ZNF814: variants seen among roughly 807,000 people sequenced by gnomAD.
ZNF814 encodes the protein zinc finger protein 814.
In ZNF814, 5 loss-of-function variants were observed where a neutral mutation model predicts 7.5. The ratio of observed to expected loss-of-function variants is 0.67; its 90% CI spans 0.35 to 1.40. ZNF814 has a LOEUF of 1.40. Among genes scored for constraint, ZNF814 ranks in the 40% most tolerant of loss-of-function variants. The pLI is 0.04. For synonymous variants in ZNF814, 315 were observed against 340.7 expected (o/e 0.92, Z 0.83); for missense variants, 962 against 1,018.0 (o/e 0.94, Z 0.75).
chr19:57,869,803 G>C lies in ZNF814; in HGVS notation c.*3019C>G, dbSNP rs2071540842. On this transcript the variant is annotated 3_prime_UTR_variant, in exon 3 of 3. Coordinates refer to ENST00000435989, the MANE Select transcript of ZNF814 (RefSeq NM_001144989.2). ...CTACTAAAAATACAAAACTTGGCCGGGCATGGTGGCACATGCTTCCAGTCC... is the reference window on the plus strand; with the variant it reads ...CTACTAAAAATACAAAACTTGGCCGCGCATGGTGGCACATGCTTCCAGTCC... 1 of 152,074 alleles carries C rather than the reference G, an allele frequency of 6.6e-6. No individual in the cohort carries two copies. Among genetic ancestry groups the C allele is most frequent in the African/African-American group, 2.4e-5 (1 of 41,364 alleles). 9.4% of individuals were successfully genotyped at this position (152,074 alleles called of 1,614,324 possible).
In ZNF814 at chr19:57,869,673, AG is replaced by A. The variant is rs2071539388; in HGVS notation, c.*3148del. On this transcript the variant is annotated 3_prime_UTR_variant, in exon 3 of 3. Coordinates refer to ENST00000435989, the MANE Select transcript of ZNF814 (RefSeq NM_001144989.2). ...TTAAAATATACTTCAGACTGGCAGC[AG>A]TGGCTCACACCTGTATTCCCACCAC... 2 of 152,164 alleles carry A rather than the reference AG, an allele frequency of 1.3e-5. No individual in the cohort carries two copies. The highest frequency in any genetic ancestry group is 4.8e-5 in the African/African-American group (2 of 41,430). The allele number at this position is 152,164 out of a possible 1,614,324, so 9.4% of individuals were successfully genotyped here. A position where few individuals can be genotyped will look rare whatever the true frequency, so the allele number is the denominator to read the frequency against.
At position 57,869,832 on chromosome 19, in the gene ZNF814, C is replaced by G. The variant is rs1282487628; in HGVS notation, c.*2990G>C. On this transcript the variant is annotated 3_prime_UTR_variant, in exon 3 of 3. Transcript: ENST00000435989. ...TGGTGGCACATGCTTCCAGTCCCAC[C>G]TACATGGGAGGCTGAGCCAGGAGAA... 1 of 151,774 alleles carries G rather than the reference C, an allele frequency of 6.6e-6. No individual in the cohort carries two copies. The highest frequency in any genetic ancestry group is 1.5e-5 in the Non-Finnish European group (1 of 68,012). 9.4% of individuals were successfully genotyped at this position (151,774 alleles called of 1,614,324 possible).
the ZNF814 span, chr19:57,900,457 C>T: frequency 6.6e-5 from 10 of 152,180 alleles, no homozygotes; most frequent in Admixed American, 4.6e-4. Flanking sequence ...GATGCACAAA[C>T]GTTCCATTCC....
rs1383637182 is a variant in ZNF814, at chr19:57,874,127, G to T, written c.1263C>A (p.Ser421Arg). The change falls in exon 3 of 3, where the codon AGC becomes AGA. Residue 421 changes from serine (S) to arginine (R), a missense_variant. Coordinates refer to ENST00000435989, the MANE Select transcript of ZNF814 (RefSeq NM_001144989.2). ...GECGKSFSQKSSLIQHQRFHT... is the reference protein window; with the variant it reads ...GECGKSFSQKRSLIQHQRFHT... ...GAAATCGCTGATGTTGAATGAGGCT[G>T]CTCTTTTGACTAAAGGATTTCCCAC... The T allele has an allele frequency of 6.3e-7, 1 of 1,597,570 alleles. No individual in the cohort carries two copies. The highest frequency in any genetic ancestry group is 8.5e-7 in the Non-Finnish European group (1 of 1,171,810).
Position 57,872,836 on chromosome 19 carries a change from T to C in ZNF814, c.2554A>G (p.Arg852Gly), listed in dbSNP as rs2071567074. ...HLLVHQSSHW[R>G]KAI ...AATCCTCACACTCATATGGCTTTTC[T>C]CCAGTGTGAACTCTGGTGTACAAGG... is the stretch of plus-strand genomic sequence containing the variant. Residue 852 changes from arginine (R) to glycine (G), a missense_variant, in exon 3 of 3, where the codon AGA (arginine) becomes GGA (glycine). Around this residue, in one of 7 missense-constraint regions of ZNF814, gnomAD observed 665 missense variants for 551.4 expected, o/e 1.21. Transcript: ENST00000435989. 1.9e-6 allele frequency: 3 copies of C among 1,612,292 alleles called. No homozygotes were observed. Among genetic ancestry groups the C allele is most frequent in the Non-Finnish European group, 1.7e-6 (2 of 1,179,036 alleles).
At chr19:57,885,467 A>G (rs1407542631) in intron 1 of ZNF814, among the ~76,000 whole-genome samples, 1 of 151,848 alleles carries the variant, frequency 6.6e-6, no homozygotes, top group Non-Finnish European at 1.5e-5. Context: ...CATCTCTACT[A>G]TAAACTACAA....
At chr19:57,889,886 T>A (rs2071724945), upstream of ZNF814, among the ~76,000 whole-genome samples, 2 of 151,918 alleles carry the variant, frequency 1.3e-5, no homozygotes, top group South Asian at 2.1e-4. Context: ...AAAATAAAAA[T>A]AAAAAAATAA....
rs779231279 is a variant in ZNF814 at position 57,877,032 on chromosome 19, G to A, written c.47C>T (p.Thr16Ile). ...AAAGTTCACAGCCACATCTTCAAAA[G>A]TCACTGTGCCCTGTTATGATGTTGA... ...TLRLSAQGTV[T>I]FEDVAVNFTW... Residue 16 changes from threonine to isoleucine, a missense_variant, in exon 2 of 3, where the codon ACT becomes ATT. By Grantham distance (89) the Thr-to-Ile change is moderately conservative (BLOSUM62 -1). This residue lies in a region of ZNF814 where 63 missense variants were observed against 65.0 expected (regional missense o/e 0.97). Coordinates refer to ENST00000435989, the MANE Select transcript of ZNF814 (RefSeq NM_001144989.2). 2.5e-6 allele frequency: 4 copies of A among 1,614,080 alleles called. No individual in the cohort carries two copies. The South Asian group carries it at 4.4e-5, about 18-fold the overall frequency.
In ZNF814 at chr19:57,874,267, T is replaced by G; in HGVS notation, c.1123A>C (p.Thr375Pro). The change falls in exon 3 of 3, where the codon ACT becomes CCT. Residue 375 changes from threonine to proline, a missense_variant. Thr to Pro is a conservative substitution (Grantham distance 38, BLOSUM62 -1). Transcript: ENST00000435989. Reference sequence around the variant, plus strand: ...CCACATTCATAAGGTCTTTTCCCAGTGTGAACTCTCTGATGATTACTGAAG... The same window carrying G: ...CCACATTCATAAGGTCTTTTCCCAGGGTGAACTCTCTGATGATTACTGAAG... ...VSFSNHQRVH[T>P]GKRPYECGEC... is the part of the protein sequence containing the mutation. The G allele has an allele frequency of 6.3e-7, 1 of 1,586,598 alleles. No individual in the cohort carries two copies. The highest frequency in any genetic ancestry group is 8.6e-7 in the Non-Finnish European group (1 of 1,166,148).
Position 57,875,073 on chromosome 19 carries a change from T to G in ZNF814, c.317A>C (p.His106Pro), listed in dbSNP as rs1430342793. ...MCGPILGDILHVADHQGTHHK... is the reference protein window; with the variant it reads ...MCGPILGDILPVADHQGTHHK... The stretch of plus-strand genomic sequence containing the variant: ...ATGTGTTCCCTGATGATCTGCCACA[T>G]GCAAAATGTCTCCCAAGATCGGGCC... Residue 106 changes from histidine to proline, a missense_variant, in exon 3 of 3, where the codon CAT (histidine) becomes CCT (proline). By Grantham distance (77) the His-to-Pro change is moderately conservative. This residue lies in a region of ZNF814 where 65 missense variants were observed against 131.3 expected (regional missense o/e 0.50). Transcript: ENST00000435989. 1 of 1,586,218 alleles carries G rather than the reference T, an allele frequency of 6.3e-7. No individual in the cohort carries two copies. Among genetic ancestry groups the G allele is most frequent in the African/African-American group, 1.3e-5 (1 of 74,112 alleles).
chr19:57,874,593 T>C lies in ZNF814; in HGVS notation c.797A>G (p.Glu266Gly), dbSNP rs967980916. Reference protein sequence around the residue: ...SLSNHQRVHTEKKHECGECGK... With the variant: ...SLSNHQRVHTGKKHECGECGK... ...ACATTCTCCACATTCATGTTTTTTT[T>C]CAGTGTGAACTCTCTGATGATTACT... Residue 266 changes from glutamate (E) to glycine (G), a missense_variant, in exon 3 of 3, where the codon GAA becomes GGA. This residue lies in a region of ZNF814 where 126 missense variants were observed against 123.5 expected (regional missense o/e 1.02). Transcript: ENST00000435989. 14 of 1,551,768 alleles carry C rather than the reference T, an allele frequency of 9.0e-6. 1 individual carries two copies. In the African/African-American group the frequency reaches 1.5e-4, roughly 17 times the overall value.
chr19:57,875,943 C>CTTTTTTTTTTTTTTTTTTTTTTTT lies in ZNF814; in HGVS notation c.164-741_164-718dup. 2.8e-5 allele frequency among the ~76,000 whole-genome samples: 2 copies of CTTTTTTTTTTTTTTTTTTTTTTTT among 71,436 alleles called. 1 individual carries two copies. The highest frequency in any genetic ancestry group is 5.3e-5 in the Non-Finnish European group (2 of 37,400). 46.9% of individuals were successfully genotyped at this position (71,436 alleles called of 152,430 possible). A position where few individuals can be genotyped will look rare whatever the true frequency, so the allele number is the denominator to read the frequency against. Reference sequence around the variant, plus strand: ...CTCCATGACCTCCTCCAGGGTGCCGCTTTTTTTTTTTTTTTTTTTTTTTTT... The same window carrying CTTTTTTTTTTTTTTTTTTTTTTTT: ...CTCCATGACCTCCTCCAGGGTGCCGCTTTTTTTTTTTTTTTTTTTTTTTTTTTTTTTTTTTTTTTTTTTTTTTTT... On this transcript the variant is annotated intron_variant, in intron 2 of 2. Coordinates refer to ENST00000435989, the MANE Select transcript of ZNF814 (RefSeq NM_001144989.2).
intron 2 of ZNF814, 77 bp downstream of exon 2, chr19:57,876,839 A>G (rs1475635155): frequency 6.3e-7 from 1 of 1,590,560 alleles, no homozygotes; most frequent in Non-Finnish European, 8.6e-7. Flanking sequence ...TCCTGACATG[A>G]GAAAGTCTTA....
At chr19:57,895,071 T>C in the ZNF814 span, among the ~76,000 whole-genome samples, 4 of 152,058 alleles carry the variant, frequency 2.6e-5, 1 homozygote, top group Admixed American at 2.6e-4. Flanking sequence ...AACCAAGAGA[T>C]TGATTCATAC....
intron 1 of ZNF814, among the ~76,000 whole-genome samples, chr19:57,878,166 C>CAAA (rs60614715): frequency 6.8e-5 from 6 of 88,396 alleles, no homozygotes; most frequent in African/African-American, 2.6e-4. Context: ...AACTCTGTCT[C>CAAA]AAAAAAAAAA....
chr19:57,880,514 T>G (rs1182850580), intron 1 of ZNF814, among the ~76,000 whole-genome samples: 2 of 151,368 alleles, frequency 1.3e-5, no homozygotes, highest in Admixed American at 1.3e-4. Context: ...TCTCTAGTGT[T>G]TCCGGTTGAA....
intron 1 of ZNF814, among the ~76,000 whole-genome samples, chr19:57,887,954 T>C (rs575241038): frequency 6.6e-6 from 1 of 152,356 alleles, no homozygotes; most frequent in South Asian, 2.1e-4. Context: ...TTTTAATTTT[T>C]TGCATGTTTT....
chr19:57,876,415 C>CAA (rs1468583189), intron 2 of ZNF814: 34 of 164,148 alleles, frequency 2.1e-4, no homozygotes, highest in Non-Finnish European at 6.5e-5. Context: ...AAAGACAGAA[C>CAA]AAGGGAACAG....
At chr19:57,889,110 C>A, upstream of ZNF814, 2 of 452,566 alleles carry the variant, frequency 4.4e-6, no homozygotes, top group Non-Finnish European at 7.8e-6. Flanking sequence ...TATTCTGAGC[C>A]CTCAGAGGTC....
Sources: allele counts gnomAD v4.1 joint callset (sites outside exome capture counted in the v4.1 genomes callset), GRCh38; gene constraint gnomAD v4.1.1; regional missense constraint gnomAD v4.1.1; transcripts MANE v1.5; gene names NCBI Gene and HGNC (gene_info 2026-07-23, HGNC 2026-07-21).